RBFOX3: variants seen among roughly 807,000 people sequenced by gnomAD.
RBFOX3 encodes the protein RNA binding fox-1 homolog 3, also known as RNA binding protein fox-1 homolog 3.
Under a neutral mutation model 48.7 loss-of-function variants are expected in RBFOX3, and 17 were observed. The ratio of observed to expected loss-of-function variants is 0.35; its 90% CI spans 0.24 to 0.52. RBFOX3 has a LOEUF of 0.52. Among genes scored for constraint, RBFOX3 ranks in the 20% least tolerant of loss-of-function variants. The probability of loss-of-function intolerance (pLI) is 0.94; values close to 1 mark genes in which losing one functional copy is unlikely to be tolerated. For synonymous variants in RBFOX3, 212 were observed against 209.5 expected, an observed-to-expected ratio of 1.01 and a Z score of -0.10; for missense variants, 382 against 497.5, an observed-to-expected ratio of 0.77 and a Z score of 2.21.
intron 1 of RBFOX3, among the ~76,000 whole-genome samples, chr17:79,530,924 G>A (rs1008256766): frequency 0.06 from 9,198 of 152,286 alleles, 953 homozygotes; most frequent in African/African-American, 0.21. Flanking sequence ...AGACGGTCTC[G>A]GCCAGTCAGA....
At chr17:79,150,067 T>TGGGGGGTGGGGGG (rs1171838604) in intron 4 of RBFOX3, among the ~76,000 whole-genome samples, 47 of 4,116 alleles carry the variant, frequency 0.011, 6 homozygotes, top group Non-Finnish European at 0.018. Flanking sequence ...GGGTTGAGGG[T>TGGGGGGTGGGGGG]GGGGGTTTGG....
intron 3 of RBFOX3, 87 bp from the exon 4 acceptor site, chr17:79,235,892 TC>T (rs1211827958): frequency 6.5e-6 from 1 of 153,492 alleles, no homozygotes; most frequent in Non-Finnish European, 1.5e-5. Context: ...TATTTGCTCA[TC>T]GACTAGGGAA....
intron 2 of RBFOX3, among the ~76,000 whole-genome samples, chr17:79,331,574 A>G (rs1057099446): frequency 3.9e-5 from 6 of 152,088 alleles, no homozygotes; most frequent in Non-Finnish European, 8.8e-5. Flanking sequence ...TTGTTATTAG[A>G]CGTTTTCACA....
intron 4 of RBFOX3, among the ~76,000 whole-genome samples, chr17:79,155,518 T>G (rs551746545): frequency 2.9e-4 from 44 of 152,222 alleles, no homozygotes; most frequent in African/African-American, 1.0e-3. Context: ...CGACTTCATG[T>G]ATATTTCAGA....
At chr17:79,476,490 T>C (rs1414242323) in intron 2 of RBFOX3, among the ~76,000 whole-genome samples, 4 of 152,192 alleles carry the variant, frequency 2.6e-5, no homozygotes, top group African/African-American at 9.7e-5. Flanking sequence ...ATATCACAAA[T>C]GCCACTGAGG....
intron 4 of RBFOX3, among the ~76,000 whole-genome samples, chr17:79,183,890 G>C (rs115628954): frequency 0.097 from 14,733 of 152,168 alleles, 740 homozygotes; most frequent in South Asian, 0.12. Flanking sequence ...TCCCACGCTC[G>C]GGCCCCTGCG....
chr17:79,166,157 CCCCG>C (rs1485440213), intron 4 of RBFOX3, among the ~76,000 whole-genome samples: 2 of 152,212 alleles, frequency 1.3e-5, no homozygotes, highest in African/African-American at 4.8e-5. Flanking sequence ...CCTGTTCCCC[CCCCG>C]GGCAGGTAAG....
chr17:79,110,482 T>A (rs1168467200), intron 5 of RBFOX3, among the ~76,000 whole-genome samples: 1 of 152,226 alleles, frequency 6.6e-6, no homozygotes, highest in Non-Finnish European at 1.5e-5. Context: ...TGGCTGTTGT[T>A]GGCACGGAAC....
chr17:79,548,585 C>T (rs1185186393), intron 1 of RBFOX3, among the ~76,000 whole-genome samples: 4 of 152,248 alleles, frequency 2.6e-5, no homozygotes, highest in Non-Finnish European at 5.9e-5. Context: ...CTTGAGGCAG[C>T]ATCAGATGCT....
intron 1 of RBFOX3, among the ~76,000 whole-genome samples, chr17:79,582,466 AG>A (rs2144843734): frequency 6.6e-6 from 1 of 152,310 alleles, no homozygotes; most frequent in South Asian, 2.1e-4. Context: ...GACTTGGGGA[AG>A]GGGAAGACAA....
chr17:79,092,371 A>G (rs1392846684), intron 14 of RBFOX3: 2 of 985,680 alleles, frequency 2.0e-6, no homozygotes, highest in Non-Finnish European at 2.4e-6. Flanking sequence ...GCAGACATAC[A>G]GGAAAAACCA....
chr17:79,300,196 G>A (rs1404184062), intron 3 of RBFOX3, among the ~76,000 whole-genome samples: 1 of 152,170 alleles, frequency 6.6e-6, no homozygotes, highest in Non-Finnish European at 1.5e-5. Context: ...GAGCCACTGT[G>A]CCCGACTCCT....
chr17:79,135,198 G>A (rs938390326), intron 4 of RBFOX3: 3 of 152,400 alleles, frequency 2.0e-5, no homozygotes, highest in Non-Finnish European at 4.4e-5. Context: ...GCCACAGCCA[G>A]GGAGACTGAG....
chr17:79,241,854 G>T lies in RBFOX3; in HGVS notation c.-73-6049C>A, dbSNP rs573525999. On this transcript the variant is annotated intron_variant, in intron 3 of 14. Coordinates refer to ENST00000693108, the MANE Select transcript of RBFOX3 (RefSeq NM_001350451.2). ...AGCAGTCTCCCTGGTGTCTGTTCTT[G>T]TAAGGGCACTAATCCCATTGCCCAA... 3.3e-5 allele frequency among the ~76,000 whole-genome samples: 5 copies of T among 152,220 alleles called. No homozygotes were observed. In the East Asian group the frequency reaches 9.7e-4, roughly 29 times the overall value.
chr17:79,475,488 G>A (rs2077600048), intron 2 of RBFOX3, among the ~76,000 whole-genome samples: 2 of 152,130 alleles, frequency 1.3e-5, no homozygotes, highest in African/African-American at 4.8e-5. Context: ...GGATACAGTG[G>A]GTGGAATCAT....
Position 79,198,289 on chromosome 17 carries a change from T to G in RBFOX3, c.-34+37477A>C, listed in dbSNP as rs553768261. Among the ~76,000 whole-genome samples, 4 of 152,290 alleles carry G rather than the reference T, an allele frequency of 2.6e-5. No individual in the cohort carries two copies. Among genetic ancestry groups the G allele is most frequent in the Admixed American group, 2.6e-4 (4 of 15,300 alleles). The stretch of plus-strand genomic sequence containing the variant: ...CTCGCCCCTGCCCTGCACCTCTCCA[T>G]CCCACATGAGGCGACCTTGCAGGCA... On this transcript the variant is annotated intron_variant, in intron 4 of 14. Transcript: ENST00000693108. The surrounding 1 kb of genome is among the most constrained non-coding windows in gnomAD (Gnocchi z 8.2).
intron 4 of RBFOX3, among the ~76,000 whole-genome samples, chr17:79,178,253 C>T (rs2051051389): frequency 6.6e-6 from 1 of 152,232 alleles, no homozygotes; most frequent in Non-Finnish European, 1.5e-5. Context: ...GACCCTTCCG[C>T]TTTTCTGAAC....
At chr17:79,389,245 G>A (rs2061007122) in intron 2 of RBFOX3, among the ~76,000 whole-genome samples, 1 of 152,218 alleles carries the variant, frequency 6.6e-6, no homozygotes, top group Non-Finnish European at 1.5e-5. Flanking sequence ...TGTGCAACGA[G>A]AGTTGGTGGT....
At chr17:79,287,893 G>C (rs547706940) in intron 3 of RBFOX3, among the ~76,000 whole-genome samples, 4 of 152,318 alleles carry the variant, frequency 2.6e-5, no homozygotes, top group African/African-American at 7.2e-5. Context: ...TCTCAGGATT[G>C]TCACATTGCG....
Sources: allele counts gnomAD v4.1 joint callset (sites outside exome capture counted in the v4.1 genomes callset), GRCh38; gene constraint gnomAD v4.1.1; non-coding constraint Gnocchi (gnomAD v3.1); transcripts MANE v1.5; gene names NCBI Gene and HGNC (gene_info 2026-07-23, HGNC 2026-07-21).